CSMD1: variants seen among roughly 807,000 people sequenced by gnomAD.
CSMD1 encodes CUB and sushi domain-containing protein 1.
CSMD1 carries 213 observed loss-of-function variants against 417.5 expected under a neutral mutation model. The observed-to-expected ratio is 0.51, with a 90% confidence interval of 0.46 to 0.57. The LOEUF (loss-of-function observed/expected upper bound fraction) is 0.57. CSMD1 is among the 20% of genes least tolerant of loss of function. The pLI is 0.00. For missense variants in CSMD1, 6,923 were observed against 4,529.7 expected, an observed-to-expected ratio of 1.53 and a Z score of -15.17; for synonymous variants, 2,862 against 1,736.8, an observed-to-expected ratio of 1.65 and a Z score of -16.11.
chr8:4,316,790 C>T (rs1042593155), intron 3 of CSMD1, among the ~76,000 whole-genome samples: 11 of 152,072 alleles, frequency 7.2e-5, no homozygotes, highest in Non-Finnish European at 1.2e-4. Context: ...AGAAGTAAAT[C>T]TATATTGTGC....
At chr8:3,459,830 TG>T (rs1418437407) in intron 12 of CSMD1, among the ~76,000 whole-genome samples, 2 of 152,134 alleles carry the variant, frequency 1.3e-5, no homozygotes, top group African/African-American at 2.4e-5. Context: ...CATTGGCTAC[TG>T]GGCTATAATT....
chr8:3,691,223 C>A (rs559204682), intron 7 of CSMD1, among the ~76,000 whole-genome samples: 5 of 151,948 alleles, frequency 3.3e-5, no homozygotes, highest in Non-Finnish European at 5.9e-5. Context: ...AAAAAATTAG[C>A]CGGGCACGGT....
intron 3 of CSMD1, among the ~76,000 whole-genome samples, chr8:4,289,158 G>A (rs991504377): frequency 2.0e-5 from 3 of 152,120 alleles, no homozygotes; most frequent in East Asian, 1.9e-4. Flanking sequence ...CCCGTTCTAA[G>A]ACAGTGTATA....
At chr8:4,070,169 T>A (rs1027878915) in intron 3 of CSMD1, among the ~76,000 whole-genome samples, 1 of 152,172 alleles carries the variant, frequency 6.6e-6, no homozygotes, top group African/African-American at 2.4e-5. Flanking sequence ...AAGAATGCAA[T>A]TTTAGAGGTG....
intron 3 of CSMD1, among the ~76,000 whole-genome samples, chr8:4,416,490 C>G (rs1321322770): frequency 6.6e-6 from 1 of 152,024 alleles, no homozygotes; most frequent in African/African-American, 2.4e-5. Flanking sequence ...GATATTTAGA[C>G]TTTAGAACCA....
intron 1 of CSMD1, among the ~76,000 whole-genome samples, chr8:4,831,743 G>T (rs998836496): frequency 6.6e-6 from 1 of 152,136 alleles, no homozygotes; most frequent in East Asian, 1.9e-4. Flanking sequence ...TGGCCTTGGG[G>T]TTCTAGTCCA....
In CSMD1 at chr8:2,999,254, A is replaced by C. The variant is rs1177764770; in HGVS notation, c.8203+704T>G. 2.0e-5 allele frequency among the ~76,000 whole-genome samples: 3 copies of C among 150,420 alleles called. No individual in the cohort carries two copies. In the South Asian group the frequency reaches 6.3e-4, roughly 32 times the overall value. Reference sequence around the variant, plus strand: ...ACTGCAACCTCCATCTCCAGGGTTCAAGCAATTCTCCTGCTTCAGCCCCTC... The same window carrying C: ...ACTGCAACCTCCATCTCCAGGGTTCCAGCAATTCTCCTGCTTCAGCCCCTC... On this transcript the variant is annotated intron_variant, in intron 53 of 69. Coordinates refer to ENST00000635120, the MANE Select transcript of CSMD1 (RefSeq NM_033225.6).
intron 6 of CSMD1, among the ~76,000 whole-genome samples, chr8:3,710,323 C>A (rs984535705): frequency 2.4e-4 from 36 of 152,156 alleles, no homozygotes; most frequent in African/African-American, 8.0e-4. Context: ...GGCACACACA[C>A]ATACCCACGA....
intron 3 of CSMD1, among the ~76,000 whole-genome samples, chr8:4,199,550 G>A (rs141047603): frequency 4.0e-4 from 61 of 152,076 alleles, no homozygotes; most frequent in African/African-American, 1.3e-3. Context: ...GAATCCTCTC[G>A]GCTACCAAAG....
At chr8:4,371,095 T>A (rs1488401902) in intron 3 of CSMD1, among the ~76,000 whole-genome samples, 1 of 152,194 alleles carries the variant, frequency 6.6e-6, no homozygotes, top group Admixed American at 6.5e-5. Flanking sequence ...AGATGGGGCA[T>A]TTTGTTTTTA....
intron 20 of CSMD1, among the ~76,000 whole-genome samples, chr8:3,361,435 T>C (rs1809162085): frequency 6.6e-6 from 1 of 151,744 alleles, no homozygotes; most frequent in Admixed American, 6.6e-5. Context: ...GAGACCAGAC[T>C]GACTAACACG....
intron 5 of CSMD1, among the ~76,000 whole-genome samples, chr8:3,885,837 C>G (rs962479607): frequency 3.9e-5 from 6 of 152,094 alleles, no homozygotes; most frequent in African/African-American, 1.2e-4. Context: ...TCTGACCTGG[C>G]AAACGTCTCT....
intron 3 of CSMD1, among the ~76,000 whole-genome samples, chr8:4,230,021 C>G (rs189844154): frequency 2.0e-5 from 3 of 152,270 alleles, no homozygotes; most frequent in African/African-American, 7.2e-5. Flanking sequence ...TTTTGCTATT[C>G]AACATTTTAA....
At chr8:4,677,759 G>C (rs905655418) in intron 1 of CSMD1, among the ~76,000 whole-genome samples, 4 of 152,164 alleles carry the variant, frequency 2.6e-5, no homozygotes, top group Non-Finnish European at 4.4e-5. Flanking sequence ...AAATACTTGT[G>C]AGCAAAAAGG....
intron 5 of CSMD1, among the ~76,000 whole-genome samples, chr8:3,992,339 T>C (rs1447151024): frequency 6.6e-6 from 1 of 152,198 alleles, no homozygotes. Flanking sequence ...GGTGACAGTT[T>C]TGTAATCTTA....
intron 12 of CSMD1, among the ~76,000 whole-genome samples, chr8:3,460,846 C>T (rs1816455406): frequency 6.6e-6 from 1 of 152,094 alleles, no homozygotes; most frequent in South Asian, 2.1e-4. Flanking sequence ...TGATGTGAGT[C>T]CCAGGTCAGG....
intron 1 of CSMD1, among the ~76,000 whole-genome samples, chr8:4,797,440 A>C (rs1432149667): frequency 6.6e-6 from 1 of 152,180 alleles, no homozygotes; most frequent in Non-Finnish European, 1.5e-5. Flanking sequence ...AGAACACCTA[A>C]GTACCAAATA....
rs148320324 is a variant in CSMD1, at chr8:2,998,204, C to T, written c.8204-20G>A. 4.4e-5 allele frequency: 71 copies of T among 1,611,930 alleles called. 1 individual carries two copies. In the South Asian group the frequency reaches 4.5e-4, roughly 10 times the overall value. On this transcript the variant is annotated intron_variant, in intron 53 of 69. Transcript: ENST00000635120. ...TGATGGCTGTAGAGAGACAGGTCAA[C>T]GTCATTGTTAAATATTGAACAGGTC...
At chr8:3,437,400 G>C (rs978273292) in intron 12 of CSMD1, among the ~76,000 whole-genome samples, 1 of 152,110 alleles carries the variant, frequency 6.6e-6, no homozygotes, top group Non-Finnish European at 1.5e-5. Flanking sequence ...AATTCATACA[G>C]TTCTGACTTA....
Sources: allele counts gnomAD v4.1 joint callset (sites outside exome capture counted in the v4.1 genomes callset), GRCh38; gene constraint gnomAD v4.1.1; transcripts MANE v1.5; gene names NCBI Gene and HGNC (gene_info 2026-07-23, HGNC 2026-07-21).